RBM19: variants seen among roughly 807,000 people sequenced by gnomAD.
RBM19 encodes probable RNA-binding protein 19.
A neutral mutation model predicts 116.8 loss-of-function variants in RBM19; 94 were observed. The observed-to-expected ratio is 0.80, with a 90% confidence interval of 0.68 to 0.95. The LOEUF (loss-of-function observed/expected upper bound fraction) is 0.95. Among genes scored for constraint, RBM19 ranks in the 40% least tolerant of loss-of-function variants. RBM19 has a pLI of 0.00. For missense variants in RBM19, 1,161 were observed against 1,220.7 expected (o/e 0.95, Z 0.73); for synonymous variants, 475 against 494.1 (o/e 0.96, Z 0.51).
intron 21 of RBM19, among the ~76,000 whole-genome samples, chr12:113,910,441 C>A (rs1433063275): frequency 6.6e-6 from 1 of 152,182 alleles, no homozygotes; most frequent in African/African-American, 2.4e-5. Flanking sequence ...TCACACATTA[C>A]TAAGAATTTC....
chr12:113,827,402 A>T (rs1005553020), intron 23 of RBM19, among the ~76,000 whole-genome samples: 1 of 151,404 alleles, frequency 6.6e-6, no homozygotes, highest in Middle Eastern at 3.4e-3. Flanking sequence ...TTTATTTTTC[A>T]ATTAATTCCT....
At chr12:113,878,209 C>T (rs1879807883) in intron 21 of RBM19, among the ~76,000 whole-genome samples, 1 of 152,166 alleles carries the variant, frequency 6.6e-6, no homozygotes, top group Non-Finnish European at 1.5e-5. Context: ...CATCACATCA[C>T]CACTGTATCC....
intron 21 of RBM19, among the ~76,000 whole-genome samples, chr12:113,904,054 G>A (rs1001745752): frequency 1.3e-5 from 2 of 152,082 alleles, no homozygotes; most frequent in African/African-American, 4.8e-5. Flanking sequence ...ATTCTGTCTT[G>A]GGGCCATTCC....
intron 6 of RBM19, 66 bp from the exon 7 acceptor site, chr12:113,955,277 A>G: frequency 6.8e-7 from 1 of 1,475,768 alleles, no homozygotes. Flanking sequence ...AGGAGGTGGC[A>G]CACTGGGACA....
At chr12:113,876,942 C>A (rs1015988698) in intron 21 of RBM19, among the ~76,000 whole-genome samples, 1 of 152,188 alleles carries the variant, frequency 6.6e-6, no homozygotes, top group African/African-American at 2.4e-5. Flanking sequence ...CCTGTGTCCT[C>A]GGAGCCAGTG....
intron 21 of RBM19, among the ~76,000 whole-genome samples, chr12:113,907,141 CA>C (rs1359534714): frequency 6.7e-6 from 1 of 149,852 alleles, no homozygotes; most frequent in African/African-American, 2.5e-5. Flanking sequence ...TTAAGACCCC[CA>C]TTGTGGCATG....
intron 21 of RBM19, among the ~76,000 whole-genome samples, chr12:113,868,610 T>C (rs1035847421): frequency 2.6e-5 from 4 of 152,170 alleles, no homozygotes; most frequent in Non-Finnish European, 1.5e-5. Flanking sequence ...AAAGACATAG[T>C]GTTTCTCAAA....
chr12:113,825,790 C>T lies in RBM19; in HGVS notation c.2786-2469G>A, dbSNP rs1422148681. 1.3e-5 allele frequency among the ~76,000 whole-genome samples: 2 copies of T among 152,188 alleles called. No homozygotes were observed. Among genetic ancestry groups the T allele is most frequent in the Admixed American group, 6.5e-5 (1 of 15,286 alleles). On this transcript the variant is annotated intron_variant, in intron 23 of 23. Coordinates refer to ENST00000261741, the MANE Select transcript of RBM19 (RefSeq NM_016196.4). The surrounding 1 kb of genome is among the most constrained non-coding windows in gnomAD (Gnocchi z 5.7). ...GGTGCTTCTTCCCCATGCTCCTGCA[C>T]CCCTGGGCCGTGCCACCATTGCCTC...
At chr12:113,820,951 G>T (rs1245636447), downstream of RBM19, among the ~76,000 whole-genome samples, 1 of 152,202 alleles carries the variant, frequency 6.6e-6, no homozygotes, top group East Asian at 1.9e-4. Flanking sequence ...ACGCAGGAAG[G>T]GTTGGACAGC....
In RBM19 at chr12:113,841,211, A is replaced by T. The variant is rs568456371; in HGVS notation, c.2785+3457T>A. Among the ~76,000 whole-genome samples, 4 of 152,152 alleles carry T rather than the reference A, an allele frequency of 2.6e-5. No individual in the cohort carries two copies. In the East Asian group the frequency reaches 7.7e-4, roughly 29 times the overall value. ...AATGGGGACAATGAAACATGCACAT[A>T]ACAGGGCCTTCTATGAGCACATGCT... On this transcript the variant is annotated intron_variant, in intron 23 of 23. Transcript: ENST00000261741.
At chr12:113,960,322 A>T in intron 2 of RBM19, 144 bp from the exon 3 acceptor site, 1 of 1,039,868 alleles carries the variant, frequency 9.6e-7, no homozygotes, top group Non-Finnish European at 1.4e-6. Context: ...GTCACCCCTT[A>T]GCCTGGGCTT....
At chr12:113,959,995 A>T (rs762362771) in intron 3 of RBM19, 64 bp downstream of exon 3, 32 of 1,613,822 alleles carry the variant, frequency 2.0e-5, no homozygotes, top group Non-Finnish European at 2.5e-6. Flanking sequence ...CATCTTTGGG[A>T]ACCAAAAGTG....
At chr12:113,963,317 A>G (rs551600447) in intron 1 of RBM19, among the ~76,000 whole-genome samples, 9 of 152,308 alleles carry the variant, frequency 5.9e-5, no homozygotes, top group Admixed American at 2.6e-4. Context: ...GCTTCTCACC[A>G]TCTTCACTGC....
intron 21 of RBM19, among the ~76,000 whole-genome samples, chr12:113,866,212 G>A (rs752952567): frequency 6.6e-6 from 1 of 152,246 alleles, no homozygotes; most frequent in African/African-American, 2.4e-5. Flanking sequence ...ATCATGGTGA[G>A]AGCCAGGTGT....
intron 21 of RBM19, among the ~76,000 whole-genome samples, chr12:113,877,031 C>A (rs1238479671): frequency 2.0e-5 from 3 of 152,182 alleles, no homozygotes; most frequent in Non-Finnish European, 4.4e-5. Context: ...AAATATCAAG[C>A]CACAGAGATG....
chr12:113,905,910 A>C (rs1882010436), intron 21 of RBM19, among the ~76,000 whole-genome samples: 1 of 152,214 alleles, frequency 6.6e-6, no homozygotes, highest in South Asian at 2.1e-4. Flanking sequence ...ATAATACAGT[A>C]ATACCACTGT....
intron 7 of RBM19, among the ~76,000 whole-genome samples, chr12:113,953,523 C>T (rs1204436220): frequency 6.6e-6 from 1 of 152,164 alleles, no homozygotes. Flanking sequence ...ACACGATCTA[C>T]AAATGTGAGA....
chr12:113,937,068 C>T lies in RBM19; in HGVS notation c.2007G>A (p.Lys669=). 1 of 1,614,140 alleles carries T rather than the reference C, an allele frequency of 6.2e-7. No homozygotes were observed. Among genetic ancestry groups the T allele is most frequent in the Non-Finnish European group, 8.5e-7 (1 of 1,180,020 alleles). ...VGVFSSTAPQ[K]KKLQDTPSEP... is the part of the protein sequence containing the mutation. ...CTGAAGGTGTGTCTTGGAGCTTTTT[C>T]TTCTGTGGGGCTGTGCTGGAGAAGA... Residue 669 remains lysine (K), a synonymous_variant, in exon 16 of 24, where the codon AAG becomes AAA. Transcript: ENST00000261741.
chr12:113,860,717 C>T (rs920899323), intron 21 of RBM19, among the ~76,000 whole-genome samples: 3 of 152,150 alleles, frequency 2.0e-5, no homozygotes, highest in African/African-American at 7.2e-5. Flanking sequence ...GTGACTGCCC[C>T]CATCCACAGT....
Sources: gnomAD v4.1 joint callset for allele counts (sites outside exome capture counted in the v4.1 genomes callset) on GRCh38, gnomAD v4.1.1 for gene constraint, Gnocchi (gnomAD v3.1) non-coding constraint, MANE v1.5 for transcripts, NCBI Gene and HGNC (gene_info 2026-07-23, HGNC 2026-07-21) for gene names.